The following DNAJA2 variants were observed in gnomAD, a reference collection of about 807,000 sequenced individuals.
DNAJA2 encodes dnaJ homolog subfamily A member 2.
In DNAJA2, 6 loss-of-function variants were observed where a neutral mutation model predicts 49.3. The ratio of observed to expected loss-of-function variants is 0.12; its 90% CI spans 0.07 to 0.24. The LOEUF (loss-of-function observed/expected upper bound fraction) is 0.24. Ranked by LOEUF, DNAJA2 falls within the 10% of genes least tolerant of loss-of-function variation. DNAJA2 has a pLI of 1.00. For synonymous variants in DNAJA2, 160 were observed against 172.7 expected, an observed-to-expected ratio of 0.93 and a Z score of 0.58; for missense variants, 347 against 516.8, an observed-to-expected ratio of 0.67 and a Z score of 3.19.
intron 4 of DNAJA2, among the ~76,000 whole-genome samples, 171 bp downstream of exon 4, chr16:46,967,913 C>A (rs1961995026): frequency 6.6e-6 from 1 of 152,148 alleles, no homozygotes; most frequent in South Asian, 2.1e-4. Context: ...GATTCTCCTA[C>A]CTCAGGTGAT....
At chr16:46,968,440 T>G (rs1299411931) in intron 3 of DNAJA2, among the ~76,000 whole-genome samples, 1 of 152,228 alleles carries the variant, frequency 6.6e-6, no homozygotes, top group Admixed American at 6.5e-5. Flanking sequence ...CTGATAAAGC[T>G]GATGACTTCG....
chr16:46,965,687 C>A (rs911158812), intron 5 of DNAJA2, among the ~76,000 whole-genome samples: 1 of 151,020 alleles, frequency 6.6e-6, no homozygotes, highest in Admixed American at 6.6e-5. Context: ...AAAAATCAGC[C>A]GGGCGTGGTG....
At chr16:46,957,326 T>A (rs889361793) in intron 8 of DNAJA2, 106 bp from the exon 9 acceptor site, 1 of 1,103,832 alleles carries the variant, frequency 9.1e-7, no homozygotes, top group East Asian at 2.4e-5. Context: ...AGGGGCTGGG[T>A]GTGGTGGTTC....
rs778063823 is a variant in DNAJA2, at chr16:46,959,324, A to G, written c.870T>C (p.Asp290=). 1 of 1,614,158 alleles carries G rather than the reference A, an allele frequency of 6.2e-7. No individual in the cohort carries two copies. The highest frequency in any genetic ancestry group is 1.7e-5 in the Admixed American group (1 of 60,018). ...GGTATTTCACCACAATCTGACGTCC[A>G]TCAAGGTGCTTAAATGTGAACTGAA... ...CGFQFTFKHL[D]GRQIVVKYPP... is the part of the protein sequence containing the mutation. Residue 290 remains aspartate (D), a synonymous_variant, in exon 7 of 9, where the codon GAT becomes GAC. Coordinates refer to ENST00000317089, the MANE Select transcript of DNAJA2 (RefSeq NM_005880.4).
intron 1 of DNAJA2, chr16:46,972,615 G>A (rs1962070660): frequency 2.0e-5 from 3 of 152,328 alleles, no homozygotes; most frequent in Middle Eastern, 3.4e-3. Context: ...TTTCCGGTAA[G>A]GTAACAGGAA....
At chr16:46,958,727 C>T (rs548273243) in intron 8 of DNAJA2, 184 of 295,924 alleles carry the variant, frequency 6.2e-4, no homozygotes, top group Non-Finnish European at 9.3e-4. Flanking sequence ...TACAGTGAGC[C>T]GAGACTACAC....
At position 46,971,579 on chromosome 16, in the gene DNAJA2, A is replaced by G. The variant is rs1596659542; in HGVS notation, c.139-7T>C. On this transcript the variant is annotated splice_polypyrimidine_tract_variant and splice_region_variant and intron_variant, in intron 2 of 8. Transcript: ENST00000317089. ...CAAAACTTATTTCTTTAAACTATAA[A>G]GAAAAGGTAAAAATAAAAATAATTG... is the stretch of plus-strand genomic sequence containing the variant. 6.4e-7 allele frequency: 1 copy of G among 1,557,500 alleles called. No homozygotes were observed. The highest frequency in any genetic ancestry group is 2.3e-5 in the East Asian group (1 of 43,786).
chr16:46,967,484 T>C, intron 5 of DNAJA2, 29 bp downstream of exon 5: 1 of 1,612,778 alleles, frequency 6.2e-7, no homozygotes, highest in Admixed American at 1.7e-5. Context: ...CATTCCAACA[T>C]AAAAGCAGAG....
At position 46,964,600 on chromosome 16, in the gene DNAJA2, AG is replaced by A. The variant is rs1425328969; in HGVS notation, c.774+10del. ...AAACAAAATACAAAAAACTAAAAAA[AG>A]GAAAATCACCTCATGTTCTTTCTCC... On this transcript the variant is annotated intron_variant, in intron 6 of 8. Coordinates refer to ENST00000317089, the MANE Select transcript of DNAJA2 (RefSeq NM_005880.4). 1.3e-6 allele frequency: 2 copies of A among 1,581,254 alleles called. No individual in the cohort carries two copies. The highest frequency in any genetic ancestry group is 1.7e-6 in the Non-Finnish European group (2 of 1,169,772).
chr16:46,966,210 G>A (rs764497181), intron 5 of DNAJA2, among the ~76,000 whole-genome samples: 6 of 152,016 alleles, frequency 3.9e-5, no homozygotes, highest in Non-Finnish European at 8.8e-5. Flanking sequence ...CAGCCCAGGC[G>A]ACAGCAAGAC....
At chr16:46,972,504 G>C (rs1364206681) in intron 1 of DNAJA2, 1 of 154,722 alleles carries the variant, frequency 6.5e-6, no homozygotes, top group Non-Finnish European at 1.4e-5. Context: ...GGCAACTTCG[G>C]TGGTAGAGAA....
intron 3 of DNAJA2, among the ~76,000 whole-genome samples, 148 bp downstream of exon 3, chr16:46,971,195 ATCAAAT>A (rs1243413338): frequency 6.6e-6 from 1 of 152,230 alleles, no homozygotes; most frequent in Non-Finnish European, 1.5e-5. Context: ...CATTCAGATA[ATCAAAT>A]TCAATTTAGT....
At chr16:46,963,769 TA>T (rs1313413775) in intron 6 of DNAJA2, among the ~76,000 whole-genome samples, 3 of 151,882 alleles carry the variant, frequency 2.0e-5, no homozygotes, top group African/African-American at 7.3e-5. Context: ...ATATTTTTTT[TA>T]AAAAAAATCC....
chr16:46,957,924 C>T (rs1961838625), intron 8 of DNAJA2, among the ~76,000 whole-genome samples: 1 of 152,096 alleles, frequency 6.6e-6, no homozygotes. Flanking sequence ...CTTTACTCCT[C>T]TACAATTCCC....
chr16:46,959,816 G>C (rs1387935631), intron 6 of DNAJA2, among the ~76,000 whole-genome samples: 1 of 152,218 alleles, frequency 6.6e-6, no homozygotes, highest in Non-Finnish European at 1.5e-5. Flanking sequence ...TAACAGGGAA[G>C]GGGGGAGGGT....
At chr16:46,969,837 T>C (rs1259320935) in intron 3 of DNAJA2, among the ~76,000 whole-genome samples, 9 of 152,250 alleles carry the variant, frequency 5.9e-5, no homozygotes. Context: ...AGCATAACTT[T>C]TTTTTAAACA....
chr16:46,967,697 A>G, intron 4 of DNAJA2, 51 bp from the exon 5 acceptor site: 1 of 1,611,452 alleles, frequency 6.2e-7, no homozygotes, highest in Non-Finnish European at 8.5e-7. Flanking sequence ...AACCACTCCA[A>G]TAAGCTATGA....
chr16:46,971,721 A>T, intron 2 of DNAJA2, 149 bp from the exon 3 acceptor site: 1 of 814,822 alleles, frequency 1.2e-6, no homozygotes, highest in Non-Finnish European at 2.0e-6. Flanking sequence ...TTTACCACCC[A>T]CCGCTCCTCA....
At chr16:46,960,209 A>T (rs1961875310) in intron 6 of DNAJA2, among the ~76,000 whole-genome samples, 1 of 152,230 alleles carries the variant, frequency 6.6e-6, no homozygotes, top group African/African-American at 2.4e-5. Context: ...AACAAAGTTA[A>T]ACCATTACCT....
Sources: gnomAD v4.1 joint callset for allele counts (sites outside exome capture counted in the v4.1 genomes callset) on GRCh38, gnomAD v4.1.1 for gene constraint, MANE v1.5 for transcripts, NCBI Gene and HGNC (gene_info 2026-07-23, HGNC 2026-07-21) for gene names.